Variants in FHIT observed in about 807,000 individuals in gnomAD.
FHIT encodes bis(5'-adenosyl)-triphosphatase.
FHIT carries 19 observed loss-of-function variants against 17.9 expected under a neutral mutation model. The observed-to-expected ratio is 1.06, with a 90% CI of 0.74 to 1.56. FHIT has a LOEUF of 1.56. Among genes scored for constraint, FHIT ranks in the 40% most tolerant of loss-of-function variants. FHIT has a pLI of 0.00. For synonymous variants in FHIT, 81 were observed against 69.7 expected (o/e 1.16, Z -0.81); for missense variants, 248 against 189.2 (o/e 1.31, Z -1.82).
chr3:60,337,952 C>T (rs1048124262), intron 5 of FHIT, among the ~76,000 whole-genome samples: 1 of 152,184 alleles, frequency 6.6e-6, no homozygotes, highest in African/African-American at 2.4e-5. Flanking sequence ...TACTATCAAG[C>T]CTGGGCATTT....
At chr3:59,956,236 G>T (rs1192071306) in intron 7 of FHIT, among the ~76,000 whole-genome samples, 1 of 152,142 alleles carries the variant, frequency 6.6e-6, no homozygotes, top group African/African-American at 2.4e-5. Flanking sequence ...GACAGGGGCT[G>T]GGTGACTAAA....
At chr3:60,729,069 C>T (rs1446465052) in intron 4 of FHIT, among the ~76,000 whole-genome samples, 1 of 152,068 alleles carries the variant, frequency 6.6e-6, no homozygotes. Flanking sequence ...CCAAGAGAAA[C>T]AAAAACAAAA....
chr3:61,091,822 C>T (rs1366069078), intron 2 of FHIT, among the ~76,000 whole-genome samples: 2 of 150,692 alleles, frequency 1.3e-5, no homozygotes, highest in African/African-American at 4.9e-5. Flanking sequence ...CACCTGTAGT[C>T]CCAGTTACTA....
chr3:61,026,493 T>C lies in FHIT; in HGVS notation c.-111+15554A>G, dbSNP rs192348039. Among the ~76,000 whole-genome samples, 813 of 152,324 alleles carry C rather than the reference T, an allele frequency of 5.3e-3. 6 individuals carry two copies. Among genetic ancestry groups the C allele is most frequent in the African/African-American group, 0.018 (751 of 41,574 alleles). ...ACCCACCAACATTGCTGCACTTTTT[T>C]TCGCCAGCCTTACCTGATCATAGAA... On this transcript the variant is annotated intron_variant, in intron 3 of 9. Transcript: ENST00000492590.
intron 5 of FHIT, among the ~76,000 whole-genome samples, chr3:60,137,258 A>G (rs999968986): frequency 7.9e-5 from 12 of 152,282 alleles, no homozygotes; most frequent in African/African-American, 2.9e-4. Flanking sequence ...AAGAATAATT[A>G]ATGACATTTT....
At chr3:61,090,395 T>A (rs1051996704) in intron 2 of FHIT, among the ~76,000 whole-genome samples, 1 of 152,224 alleles carries the variant, frequency 6.6e-6, no homozygotes. Context: ...GTGGAGCACC[T>A]CCCAAGAGGA....
intron 7 of FHIT, among the ~76,000 whole-genome samples, chr3:59,992,361 T>C (rs897979464): frequency 6.6e-6 from 1 of 152,084 alleles, no homozygotes; most frequent in Non-Finnish European, 1.5e-5. Context: ...AAGGGGTCTA[T>C]AGATGCCCGT....
intron 5 of FHIT, among the ~76,000 whole-genome samples, chr3:60,482,165 G>T (rs578259888): frequency 6.6e-6 from 1 of 152,262 alleles, no homozygotes; most frequent in Non-Finnish European, 1.5e-5. Context: ...GAAGCACTGA[G>T]ATTCATAAAA....
intron 8 of FHIT, among the ~76,000 whole-genome samples, chr3:59,757,540 G>C (rs77563077): frequency 0.045 from 6,924 of 152,230 alleles, 222 homozygotes; most frequent in South Asian, 0.074. Flanking sequence ...CATCTTTAGA[G>C]TTCTGTAATG....
chr3:60,979,756 C>G (rs368902101), intron 3 of FHIT, among the ~76,000 whole-genome samples: 25 of 152,306 alleles, frequency 1.6e-4, no homozygotes, highest in Admixed American at 3.9e-4. Context: ...GCCATCACCC[C>G]CTCTGTCCCA....
chr3:60,123,967 AATATATATATATATATATATATAT>A lies in FHIT; in HGVS notation c.104-109839_104-109816del, dbSNP rs1176212050. 1.1e-3 allele frequency among the ~76,000 whole-genome samples: 31 copies of A among 27,788 alleles called. 1 individual carries two copies. Among genetic ancestry groups the A allele is most frequent in the Non-Finnish European group, 1.0e-3 (16 of 15,976 alleles). 18.2% of individuals were successfully genotyped at this position (27,788 alleles called of 152,430 possible). ...CTTCCATTAACAGAAATGCACTAAA[AATATATATATATATATATATATAT>A]ATATATATATATATATATAGAGAGA... On this transcript the variant is annotated intron_variant, in intron 5 of 9. Transcript: ENST00000492590.
intron 7 of FHIT, among the ~76,000 whole-genome samples, chr3:59,974,401 T>C (rs1708319067): frequency 6.6e-6 from 1 of 152,212 alleles, no homozygotes; most frequent in African/African-American, 2.4e-5. Context: ...ATTTCTACAA[T>C]TAAACACCTA....
chr3:60,122,375 T>C (rs1705299600), intron 5 of FHIT, among the ~76,000 whole-genome samples: 1 of 152,082 alleles, frequency 6.6e-6, no homozygotes, highest in Non-Finnish European at 1.5e-5. Context: ...TCAGGGAACA[T>C]TTGAGTTCAT....
At chr3:60,027,078 GAC>G (rs1379358157) in intron 5 of FHIT, among the ~76,000 whole-genome samples, 1 of 148,126 alleles carries the variant, frequency 6.8e-6, no homozygotes, top group Non-Finnish European at 1.5e-5. Context: ...TAGCCTGGGT[GAC>G]AGAGTGAGTA....
intron 2 of FHIT, among the ~76,000 whole-genome samples, chr3:61,188,468 A>C (rs2038599406): frequency 6.6e-6 from 1 of 152,208 alleles, no homozygotes; most frequent in Non-Finnish European, 1.5e-5. Context: ...AAAGTCCAGG[A>C]CCAGAGGGAT....
chr3:61,189,813 G>A (rs1218580873), intron 2 of FHIT, among the ~76,000 whole-genome samples: 1 of 152,080 alleles, frequency 6.6e-6, no homozygotes, highest in African/African-American at 2.4e-5. Flanking sequence ...TGACAAACCT[G>A]AGAAAAACAA....
chr3:61,059,179 T>C (rs2034335505), intron 2 of FHIT, among the ~76,000 whole-genome samples: 1 of 152,208 alleles, frequency 6.6e-6, no homozygotes, highest in Non-Finnish European at 1.5e-5. Context: ...ATTTGAACAG[T>C]TATAGTAACT....
At chr3:60,105,208 C>T (rs930207541) in intron 5 of FHIT, among the ~76,000 whole-genome samples, 2 of 152,116 alleles carry the variant, frequency 1.3e-5, no homozygotes, top group African/African-American at 4.8e-5. Flanking sequence ...CTTTCAAGTA[C>T]CAGGCACTCA....
chr3:59,797,805 A>G (rs1699837646), intron 8 of FHIT, among the ~76,000 whole-genome samples: 1 of 152,224 alleles, frequency 6.6e-6, no homozygotes, highest in African/African-American at 2.4e-5. Flanking sequence ...CGTGAAATTA[A>G]TATGATAGCA....
Sources: allele counts gnomAD v4.1 joint callset (sites outside exome capture counted in the v4.1 genomes callset), GRCh38; gene constraint gnomAD v4.1.1; transcripts MANE v1.5; gene names NCBI Gene and HGNC (gene_info 2026-07-23, HGNC 2026-07-21).